Variants in NEAT1 observed in about 807,000 individuals in gnomAD.
NEAT1 encodes the protein nuclear paraspeckle assembly transcript 1.
chr11:65,442,398 GCTGGAAGGACAGCATTC>G (rs376144463), exon 1 of NEAT1: 1 of 151,744 alleles, frequency 6.6e-6, no homozygotes, highest in African/African-American at 2.4e-5. Flanking sequence ...GGTAGGAGAA[GCTGGAAGGACAGCATTC>G]CTGTCTGCGA....
chr11:65,426,585 C>T (rs113390899), exon 1 of NEAT1: 7 of 152,298 alleles, frequency 4.6e-5, no homozygotes, highest in African/African-American at 1.4e-4. Context: ...GCCTTCATAA[C>T]GACTTTGGAT....
Position 65,436,084 on chromosome 11 carries a change from A to G in NEAT1, n.13287A>G, listed in dbSNP as rs1169312020. 2.6e-5 allele frequency: 4 copies of G among 152,162 alleles called. No homozygotes were observed. The East Asian group carries it at 7.7e-4, about 29-fold the overall frequency. The allele number at this position is 152,162 out of a possible 1,614,324, so 9.4% of individuals were successfully genotyped here. On this transcript the variant is annotated non_coding_transcript_exon_variant, in exon 1 of 1. Coordinates refer to ENST00000501122, the Ensembl canonical transcript of NEAT1. ...CTAAGCACACACTTTCTGTCTTCTA[A>G]AGGGCCGCCACATGCCAGGAGCTCA... is the stretch of plus-strand genomic sequence containing the variant.
exon 1 of NEAT1, chr11:65,423,494 G>A (rs1322021558): frequency 6.6e-6 from 1 of 152,310 alleles, no homozygotes; most frequent in African/African-American, 2.4e-5. Flanking sequence ...GGGGTGGTCT[G>A]AGGAGTGATG....
At chr11:65,439,044 T>G (rs1201698971) in exon 1 of NEAT1, 1 of 152,200 alleles carries the variant, frequency 6.6e-6, no homozygotes, top group Non-Finnish European at 1.5e-5. Context: ...TTGCCAACAC[T>G]AGTTATTATC....
At chr11:65,442,429 C>T (rs1327332425) in exon 1 of NEAT1, 1 of 151,986 alleles carries the variant, frequency 6.6e-6, no homozygotes, top group African/African-American at 2.4e-5. Flanking sequence ...TCTGCGAAGG[C>T]AGGAGCAAAG....
exon 1 of NEAT1, chr11:65,423,008 C>T (rs1050798681): frequency 3.3e-5 from 5 of 152,200 alleles, no homozygotes; most frequent in Non-Finnish European, 5.9e-5. Context: ...CGCAGGGTCC[C>T]CCAGGCAGAA....
At position 65,435,172 on chromosome 11, in the gene NEAT1, T is replaced by C. The variant is rs905954374; in HGVS notation, n.12375T>C. On this transcript the variant is annotated non_coding_transcript_exon_variant, in exon 1 of 1. Coordinates refer to ENST00000501122, the Ensembl canonical transcript of NEAT1. ...TAAGTCCATGGCTAATGTTATTATA[T>C]TATGTGCTATTGTAATGGATGGGGC... 8 of 152,286 alleles carry C rather than the reference T, an allele frequency of 5.3e-5. No homozygotes were observed. In the Middle Eastern group the frequency reaches 0.014, roughly 259 times the overall value. 9.4% of individuals were successfully genotyped at this position (152,286 alleles called of 1,614,324 possible). A position where few individuals can be genotyped will look rare whatever the true frequency, so the allele number is the denominator to read the frequency against.
chr11:65,428,117 C>T (rs566485035), exon 1 of NEAT1: 85 of 152,294 alleles, frequency 5.6e-4, no homozygotes, highest in Non-Finnish European at 1.8e-4. Context: ...ATTGCTAATC[C>T]GTTTGCATCC....
exon 1 of NEAT1, chr11:65,434,145 T>C (rs550290885): frequency 1.3e-5 from 2 of 152,348 alleles, no homozygotes; most frequent in South Asian, 4.1e-4. Context: ...CATGTGACTA[T>C]ACCTCAGTTA....
exon 1 of NEAT1, chr11:65,438,592 T>A (rs1380488286): frequency 2.0e-5 from 3 of 152,252 alleles, no homozygotes; most frequent in Admixed American, 2.0e-4. Context: ...TGTTGTGCTC[T>A]CTGTCTGTGT....
exon 1 of NEAT1, chr11:65,422,821 C>G (rs1050262745): frequency 6.5e-6 from 1 of 152,818 alleles, no homozygotes; most frequent in African/African-American, 2.4e-5. Context: ...GGGAGGGATG[C>G]GCGCCTGGGT....
chr11:65,423,069 T>A (rs1856514804), exon 1 of NEAT1: 1 of 152,188 alleles, frequency 6.6e-6, no homozygotes, highest in African/African-American at 2.4e-5. Flanking sequence ...AGGGGGAACT[T>A]GACCTCTGGG....
exon 1 of NEAT1, chr11:65,431,175 G>A (rs1181974281): frequency 6.6e-6 from 1 of 152,122 alleles, no homozygotes; most frequent in Non-Finnish European, 1.5e-5. Flanking sequence ...TCTGAGCACA[G>A]TGTCCTCGAG....
At chr11:65,433,652 G>A (rs1249567086) in exon 1 of NEAT1, 1 of 151,542 alleles carries the variant, frequency 6.6e-6, no homozygotes, top group Non-Finnish European at 1.5e-5. Flanking sequence ...ACTAAATACT[G>A]TCTTTGATTT....
chr11:65,434,280 G>A (rs759921179), exon 1 of NEAT1: 3 of 152,138 alleles, frequency 2.0e-5, no homozygotes, highest in Non-Finnish European at 2.9e-5. Flanking sequence ...GAAAGGTGAC[G>A]ACAACAACGT....
At chr11:65,425,899 C>T (rs1856556413) in exon 1 of NEAT1, 1 of 151,998 alleles carries the variant, frequency 6.6e-6, no homozygotes, top group African/African-American at 2.4e-5. Context: ...ATCCATGTAC[C>T]TTTGCTAAGG....
chr11:65,437,408 T>C (rs549093339), exon 1 of NEAT1: 1 of 152,074 alleles, frequency 6.6e-6, no homozygotes, highest in South Asian at 2.1e-4. Context: ...GCATAACAAG[T>C]GACAGGGTTA....
At chr11:65,425,224 G>A (rs893241352) in exon 1 of NEAT1, 1 of 152,136 alleles carries the variant, frequency 6.6e-6, no homozygotes, top group African/African-American at 2.4e-5. Context: ...AACAAAAATT[G>A]TTTTGCTTTG....
At chr11:65,439,349 G>A (rs140587554) in exon 1 of NEAT1, 2 of 152,166 alleles carry the variant, frequency 1.3e-5, no homozygotes, top group East Asian at 3.9e-4. Flanking sequence ...TCACTTTATC[G>A]ATAATGTCCT....
Sources: gnomAD v4.1 joint callset for allele counts on GRCh38, gnomAD v4.1.1 for gene constraint, MANE v1.5 for transcripts, NCBI Gene and HGNC (gene_info 2026-07-23, HGNC 2026-07-21) for gene names.